Variants in MED12L observed in about 807,000 individuals in gnomAD.
MED12L encodes the protein mediator complex subunit 12L, also known as mediator of RNA polymerase II transcription subunit 12-like protein.
In MED12L, 60 loss-of-function variants were observed where a neutral mutation model predicts 281.3. The ratio of observed to expected loss-of-function variants is 0.21; its 90% CI spans 0.17 to 0.26. MED12L has a LOEUF of 0.26. MED12L is among the 10% of genes least tolerant of loss of function. The pLI is 1.00. For missense variants in MED12L, 2,146 were observed against 2,680.9 expected (o/e 0.80, Z 4.41); for synonymous variants, 974 against 987.2 (o/e 0.99, Z 0.25).
chr3:151,200,841 AT>A (rs1426906159), intron 16 of MED12L: 2 of 152,192 alleles, frequency 1.3e-5, no homozygotes, highest in African/African-American at 4.8e-5. Context: ...TATCATTTCC[AT>A]AAGCTAGGTG....
intron 11 of MED12L, 58 bp from the exon 12 acceptor site, chr3:151,185,272 T>C: frequency 6.4e-7 from 1 of 1,572,200 alleles, no homozygotes. Context: ...GCTTCCTGCC[T>C]CTTGCTGGGT....
intron 16 of MED12L, among the ~76,000 whole-genome samples, chr3:151,263,235 A>G (rs1029715134): frequency 2.0e-5 from 3 of 152,216 alleles, no homozygotes; most frequent in African/African-American, 7.2e-5. Flanking sequence ...ACCTTCAGCT[A>G]TCTTCCAGTC....
At chr3:151,423,080 T>C (rs1577618166) in intron 43 of MED12L, among the ~76,000 whole-genome samples, 1 of 150,666 alleles carries the variant, frequency 6.6e-6, no homozygotes. Context: ...AGTCCAATGG[T>C]ATGATCTCAG....
intron 16 of MED12L, among the ~76,000 whole-genome samples, chr3:151,321,510 T>A (rs1432178341): frequency 1.3e-5 from 2 of 152,252 alleles, no homozygotes; most frequent in African/African-American, 2.4e-5. Flanking sequence ...AAGCTAATAT[T>A]TTTTTTAAAA....
chr3:151,340,788 G>C (rs1751710357), intron 16 of MED12L: 1 of 152,594 alleles, frequency 6.6e-6, no homozygotes, highest in Non-Finnish European at 1.5e-5. Context: ...GAGAGAAAAA[G>C]AGGGCTTCAC....
At chr3:151,384,893 A>G (rs1713063304) in intron 35 of MED12L, 137 bp from the exon 36 acceptor site, 1 of 650,056 alleles carries the variant, frequency 1.5e-6, no homozygotes, top group Non-Finnish European at 2.8e-6. Context: ...CTTGTAGAAC[A>G]TGTTCAGGGT....
Position 151,238,439 on chromosome 3 carries a change from G to A in MED12L, c.2250+44773G>A, listed in dbSNP as rs545024288. Among the ~76,000 whole-genome samples the A allele has an allele frequency of 4.6e-5, 7 of 152,318 alleles. No individual in the cohort carries two copies. In the East Asian group the frequency reaches 5.8e-4, roughly 13 times the overall value. The stretch of plus-strand genomic sequence containing the variant: ...TGGGATTACAGGCGTGAGCCACCGC[G>A]CCCAGCCTGGAACAGTGGTTTTTAA... On this transcript the variant is annotated intron_variant, in intron 16 of 44. Transcript: ENST00000687756.
At chr3:151,365,325 T>A in intron 22 of MED12L, 119 bp downstream of exon 22, 3 of 764,948 alleles carry the variant, frequency 3.9e-6, no homozygotes, top group Non-Finnish European at 6.5e-6. Flanking sequence ...TTGCTTTTTC[T>A]AAATCTTCTT....
At chr3:151,294,153 A>G (rs199620654) in intron 16 of MED12L, 246 of 1,432,058 alleles carry the variant, frequency 1.7e-4, no homozygotes, top group Non-Finnish European at 1.9e-4. Context: ...ATCGATTCCA[A>G]CAAACAATAA....
chr3:151,334,829 T>C (rs1226843870), intron 16 of MED12L, among the ~76,000 whole-genome samples: 1 of 152,066 alleles, frequency 6.6e-6, no homozygotes, highest in Non-Finnish European at 1.5e-5. Context: ...ATAGAGCCAG[T>C]TAGAAAATAC....
Position 151,433,678 on chromosome 3 carries a change from A to T in MED12L, c.*874A>T. The T allele has an allele frequency of 6.6e-6, 1 of 152,632 alleles. No individual in the cohort carries two copies. Among genetic ancestry groups the T allele is most frequent in the Non-Finnish European group, 1.5e-5 (1 of 68,038 alleles). The allele number at this position is 152,632 out of a possible 1,614,324, so 9.5% of individuals were successfully genotyped here. The stretch of plus-strand genomic sequence containing the variant: ...TTATGCCACCTTAAGGGGAAAAAAA[A>T]ATCCAGTAGCTGGCTTGAGATTCCA... On this transcript the variant is annotated 3_prime_UTR_variant, in exon 45 of 45. Transcript: ENST00000687756.
At chr3:151,294,145 C>T (rs747413006) in intron 16 of MED12L, 12 of 1,333,104 alleles carry the variant, frequency 9.0e-6, no homozygotes, top group East Asian at 2.3e-5. Flanking sequence ...TTGTACATAT[C>T]GATTCCAACA....
chr3:151,376,414 A>G (rs1056571555), intron 28 of MED12L, among the ~76,000 whole-genome samples, 200 bp downstream of exon 28: 2 of 152,196 alleles, frequency 1.3e-5, no homozygotes, highest in Admixed American at 6.5e-5. Context: ...CATCAAACAA[A>G]TATTGATATT....
intron 30 of MED12L, among the ~76,000 whole-genome samples, chr3:151,377,514 A>C (rs1371813567): frequency 1.3e-5 from 2 of 152,204 alleles, no homozygotes; most frequent in Non-Finnish European, 2.9e-5. Context: ...GCACAAATAT[A>C]TCCTGGTAAT....
At position 151,122,842 on chromosome 3, in the gene MED12L, C is replaced by T. The variant is rs202153014; in HGVS notation, c.264C>T (p.Asp88=). ...AEKLKLNTFQ[D]TGKKKPQVNA... is the part of the protein sequence containing the mutation. Reference sequence around the variant, plus strand: ...AACTGAAGCTTAACACTTTCCAGGACACGGGAAAGAAGAAACCACAAGTTA... The same window carrying T: ...AACTGAAGCTTAACACTTTCCAGGATACGGGAAAGAAGAAACCACAAGTTA... The change falls in exon 4 of 45, where the codon GAC becomes GAT. Residue 88 remains aspartate (D), a synonymous_variant. Coordinates refer to ENST00000687756, the MANE Select transcript of MED12L (RefSeq NM_001393769.1). 6.2e-7 allele frequency: 1 copy of T among 1,611,936 alleles called. No individual in the cohort carries two copies. Among genetic ancestry groups the T allele is most frequent in the Non-Finnish European group, 8.5e-7 (1 of 1,178,836 alleles).
chr3:151,429,684 A>T (rs1479422097), intron 43 of MED12L, among the ~76,000 whole-genome samples: 2 of 152,090 alleles, frequency 1.3e-5, no homozygotes, highest in East Asian at 1.9e-4. Flanking sequence ...CTCTCATCTG[A>T]TTCTTCCTAC....
At chr3:151,256,517 C>T (rs1056157044) in intron 16 of MED12L, among the ~76,000 whole-genome samples, 2 of 152,174 alleles carry the variant, frequency 1.3e-5, no homozygotes, top group African/African-American at 2.4e-5. Context: ...CATCTTTCTT[C>T]CCTCTTGTCA....
At chr3:151,335,595 A>G (rs916630946) in intron 16 of MED12L, among the ~76,000 whole-genome samples, 6 of 152,212 alleles carry the variant, frequency 3.9e-5, no homozygotes, top group African/African-American at 1.2e-4. Flanking sequence ...CTGAGTCTAC[A>G]GAATTTGGCT....
intron 16 of MED12L, among the ~76,000 whole-genome samples, chr3:151,263,705 T>C (rs1488209443): frequency 6.6e-6 from 1 of 152,212 alleles, no homozygotes; most frequent in Non-Finnish European, 1.5e-5. Flanking sequence ...AAGAGATTAA[T>C]GTAATATAGA....
Sources: allele counts gnomAD v4.1 joint callset (sites outside exome capture counted in the v4.1 genomes callset), GRCh38; gene constraint gnomAD v4.1.1; transcripts MANE v1.5; gene names NCBI Gene and HGNC (gene_info 2026-07-23, HGNC 2026-07-21).